The following PPP6R2 variants were observed in gnomAD, a reference collection of about 807,000 sequenced individuals.
The protein encoded by PPP6R2 is protein phosphatase 6 regulatory subunit 2.
A neutral mutation model predicts 100.2 loss-of-function variants in PPP6R2; 62 were observed. That is an observed-to-expected ratio of 0.62 (90% CI 0.50 to 0.76). The LOEUF is 0.76. PPP6R2 is among the 30% of genes least tolerant of loss of function. The pLI, the probability that PPP6R2 is intolerant of heterozygous loss-of-function variation, is 0.00. For synonymous variants in PPP6R2, 525 were observed against 514.7 expected, an observed-to-expected ratio of 1.02 and a Z score of -0.27; for missense variants, 1,142 against 1,276.3, an observed-to-expected ratio of 0.89 and a Z score of 1.60.
In PPP6R2 at chr22:50,424,866, T is replaced by G. The variant is rs562218593; in HGVS notation, c.1125+1252T>G. 7.2e-5 allele frequency among the ~76,000 whole-genome samples: 11 copies of G among 152,228 alleles called. No homozygotes were observed. The East Asian group carries it at 2.1e-3, about 29-fold the overall frequency. On this transcript the variant is annotated intron_variant, in intron 10 of 23. Transcript: ENST00000612753. The stretch of plus-strand genomic sequence containing the variant: ...CGTGTTGGCCAGGATGGTCTCAAAC[T>G]CCTGACCTCGTGATCCACCCGCCTT...
At chr22:50,381,907 CAAA>C (rs369812450) in intron 2 of PPP6R2, among the ~76,000 whole-genome samples, 2 of 95,734 alleles carry the variant, frequency 2.1e-5, no homozygotes, top group Non-Finnish European at 2.1e-5. Flanking sequence ...GACTCCGTCT[CAAA>C]AAAAAAAAAA....
intron 13 of PPP6R2, among the ~76,000 whole-genome samples, chr22:50,436,132 C>A (rs1021323330): frequency 7.9e-5 from 12 of 152,232 alleles, no homozygotes; most frequent in Admixed American, 7.8e-4. Flanking sequence ...TGCCCACCAC[C>A]CTGCCCACAG....
intron 2 of PPP6R2, among the ~76,000 whole-genome samples, chr22:50,381,565 A>G (rs2053028378): frequency 6.6e-6 from 1 of 152,190 alleles, no homozygotes; most frequent in African/African-American, 2.4e-5. Flanking sequence ...ACAGCAAACT[A>G]GGATAGGGAT....
chr22:50,352,211 G>C (rs958508861), intron 1 of PPP6R2, among the ~76,000 whole-genome samples: 3 of 152,290 alleles, frequency 2.0e-5, no homozygotes, highest in Admixed American at 1.3e-4. Flanking sequence ...AAAGTGCTGG[G>C]ATTACAGGCA....
At chr22:50,340,478 GGGTGTGTGT>G (rs1416604091), upstream of PPP6R2, among the ~76,000 whole-genome samples, 2 of 123,378 alleles carry the variant, frequency 1.6e-5, no homozygotes, top group African/African-American at 6.1e-5. Flanking sequence ...TGTGTGTCTC[GGGTGTGTGT>G]GGTGTGTGTA....
intron 2 of PPP6R2, chr22:50,393,261 G>A (rs1004661354): frequency 2.7e-6 from 1 of 364,874 alleles, no homozygotes; most frequent in African/African-American, 2.2e-5. Flanking sequence ...AGAACCCTGG[G>A]TGTGATTCAG....
intron 2 of PPP6R2, among the ~76,000 whole-genome samples, chr22:50,392,922 GAT>G (rs2055944695): frequency 6.6e-6 from 1 of 152,146 alleles, no homozygotes; most frequent in Admixed American, 6.5e-5. Flanking sequence ...AATTAGATAA[GAT>G]AAATTCCATC....
rs1459956526 is a variant in PPP6R2 at position 50,443,992 on chromosome 22, T to C, written c.2706T>C (p.Ala902=). The part of the protein sequence containing the change: ...TVAITTALSK[A]GPAIPTPAVS... ...CCATCACCACAGCACTGAGCAAGGC[T>C]GGCCCCGCCATACCCACCCCAGCAG... Residue 902 remains alanine, a synonymous_variant, in exon 23 of 24, where the codon GCT becomes GCC. Transcript: ENST00000612753. The C allele has an allele frequency of 6.2e-7, 1 of 1,612,710 alleles. No homozygotes were observed. The highest frequency in any genetic ancestry group is 8.5e-7 in the Non-Finnish European group (1 of 1,179,768).
At chr22:50,349,375 A>AC (rs1253289729) in intron 1 of PPP6R2, among the ~76,000 whole-genome samples, 48 of 150,330 alleles carry the variant, frequency 3.2e-4, no homozygotes, top group African/African-American at 1.1e-3. Flanking sequence ...AAAAAAAAAA[A>AC]AAAAAAAAAC....
intron 6 of PPP6R2, among the ~76,000 whole-genome samples, chr22:50,417,981 G>C (rs1293263320): frequency 8.5e-5 from 13 of 152,166 alleles, no homozygotes; most frequent in Non-Finnish European, 1.9e-4. Flanking sequence ...TTGTCAGCAG[G>C]GGCACGTTCC....
intron 17 of PPP6R2, 88 bp from the exon 18 acceptor site, chr22:50,438,086 A>T: frequency 5.9e-6 from 9 of 1,538,416 alleles, no homozygotes; most frequent in Non-Finnish European, 7.9e-6. Context: ...CACATCCCGA[A>T]CTAAGCCCCT....
chr22:50,411,017 C>G (rs905690156), intron 4 of PPP6R2, among the ~76,000 whole-genome samples: 4 of 152,184 alleles, frequency 2.6e-5, no homozygotes, highest in Non-Finnish European at 5.9e-5. Context: ...TCTTGAACTC[C>G]TGACCTCAGG....
At chr22:50,353,854 TA>T (rs1386596879) in intron 1 of PPP6R2, among the ~76,000 whole-genome samples, 1 of 100,454 alleles carries the variant, frequency 1.0e-5, no homozygotes, top group Non-Finnish European at 2.5e-5. Flanking sequence ...GGCTAACTTT[TA>T]AAAATATTTT....
intron 1 of PPP6R2, among the ~76,000 whole-genome samples, chr22:50,348,989 C>T (rs1259463750): frequency 6.6e-6 from 1 of 151,522 alleles, no homozygotes; most frequent in African/African-American, 2.4e-5. Context: ...GTCAGGAGTT[C>T]GAGACCAGCT....
At chr22:50,391,370 T>C (rs1156658738) in intron 2 of PPP6R2, among the ~76,000 whole-genome samples, 1 of 136,818 alleles carries the variant, frequency 7.3e-6, no homozygotes, top group Non-Finnish European at 1.5e-5. Context: ...GAGGCGGAGG[T>C]TGCAGTGAGC....
In PPP6R2 at chr22:50,433,377, C is replaced by T. The variant is rs890093030; in HGVS notation, c.1400+1048C>T. ...GGGGGCGCGGACGCTGGGCAGGGGC[C>T]GGGCATTTGCTCTGGAGGTGAACCT... is the stretch of plus-strand genomic sequence containing the variant. On this transcript the variant is annotated intron_variant, in intron 12 of 23. Coordinates refer to ENST00000612753, the MANE Select transcript of PPP6R2 (RefSeq NM_001242898.2). Among the ~76,000 whole-genome samples the T allele has an allele frequency of 3.7e-5, 3 of 80,654 alleles. 1 individual carries two copies. The highest frequency in any genetic ancestry group is 8.8e-5 in the African/African-American group (2 of 22,682). The allele number at this position is 80,654 out of a possible 152,430, so 52.9% of individuals were successfully genotyped here.
intron 1 of PPP6R2, among the ~76,000 whole-genome samples, chr22:50,366,246 A>G (rs2048735251): frequency 6.6e-6 from 1 of 151,780 alleles, no homozygotes; most frequent in Admixed American, 6.6e-5. Flanking sequence ...TGTGAATTAC[A>G]AGGTTTTCCA....
chr22:50,399,124 G>A (rs1355606574), intron 3 of PPP6R2, among the ~76,000 whole-genome samples: 1 of 152,158 alleles, frequency 6.6e-6, no homozygotes, highest in Non-Finnish European at 1.5e-5. Flanking sequence ...GCCGGTGCCT[G>A]TAGTCCCAGC....
At chr22:50,441,058 G>T in intron 22 of PPP6R2, 32 bp downstream of exon 22, 1 of 1,481,424 alleles carries the variant, frequency 6.8e-7, no homozygotes, top group Non-Finnish European at 9.0e-7. Flanking sequence ...CGGGCCTGCC[G>T]GGTGCATAGG....
Sources: allele counts gnomAD v4.1 joint callset (sites outside exome capture counted in the v4.1 genomes callset), GRCh38; gene constraint gnomAD v4.1.1; transcripts MANE v1.5; gene names NCBI Gene and HGNC (gene_info 2026-07-23, HGNC 2026-07-21).